The following FAIM2 variants were observed in gnomAD, a reference collection of about 807,000 sequenced individuals.
FAIM2 encodes the protein protein lifeguard 2.
A neutral mutation model predicts 47.4 loss-of-function variants in FAIM2; 27 were observed. That is an observed-to-expected ratio of 0.57 (90% CI 0.42 to 0.78). FAIM2 has a LOEUF of 0.78. Ranked by LOEUF, FAIM2 falls within the 30% of genes least tolerant of loss-of-function variation. FAIM2 has a pLI of 0.00. For synonymous variants in FAIM2, 156 were observed against 159.3 expected (o/e 0.98, Z 0.16); for missense variants, 311 against 389.4 (o/e 0.80, Z 1.69).
In FAIM2 at chr12:49,879,415, TGA is replaced by T. The variant is rs543482619; in HGVS notation, c.801+7969_801+7970del. 1.2e-3 allele frequency among the ~76,000 whole-genome samples: 178 copies of T among 151,186 alleles called. 2 individuals carry two copies. Among genetic ancestry groups the T allele is most frequent in the African/African-American group, 4.0e-3 (164 of 41,012 alleles). On this transcript the variant is annotated intron_variant, in intron 11 of 11. Coordinates refer to ENST00000320634, the MANE Select transcript of FAIM2 (RefSeq NM_012306.4). The stretch of plus-strand genomic sequence containing the variant: ...GTATGTGTCCATGTGAGTGTGCATG[TGA>T]GTGTATGTGTGTATGTGCATGTGTA...
rs960912166 is a variant in FAIM2, at chr12:49,895,185, C to A, written c.434+1846G>T. Reference sequence around the variant, plus strand: ...CCCTATGAAAAGCGCCCAGTCCACGCCCACCTCCCACTTCTGCCAGCACCC... The same window carrying A: ...CCCTATGAAAAGCGCCCAGTCCACGACCACCTCCCACTTCTGCCAGCACCC... On this transcript the variant is annotated intron_variant, in intron 5 of 11. Coordinates refer to ENST00000320634, the MANE Select transcript of FAIM2 (RefSeq NM_012306.4). Among the ~76,000 whole-genome samples, 9 of 152,242 alleles carry A rather than the reference C, an allele frequency of 5.9e-5. No individual in the cohort carries two copies. The East Asian group carries it at 1.5e-3, about 26-fold the overall frequency.
At chr12:49,887,356 G>A (rs1364631676) in intron 11 of FAIM2, 30 bp downstream of exon 11, 1 of 1,596,540 alleles carries the variant, frequency 6.3e-7, no homozygotes, top group South Asian at 1.1e-5. Flanking sequence ...TGCTGGGAAG[G>A]AGGCTGCCAA....
In FAIM2 at chr12:49,870,672, G is replaced by C. The variant is rs1309706433; in HGVS notation, c.802-19C>G. 2 of 1,613,266 alleles carry C rather than the reference G, an allele frequency of 1.2e-6. No individual in the cohort carries two copies. The highest frequency in any genetic ancestry group is 1.1e-5 in the South Asian group (1 of 90,956). On this transcript the variant is annotated intron_variant, in intron 11 of 11. Transcript: ENST00000320634. Reference sequence around the variant, plus strand: ...CCAGGAACTGGGAGAAGTGAGGAGAGAGAGAGAGAGGTCAGAGGCCCAGGC... The same window carrying C: ...CCAGGAACTGGGAGAAGTGAGGAGACAGAGAGAGAGGTCAGAGGCCCAGGC...
At chr12:49,887,531 A>G (rs927631291) in intron 10 of FAIM2, 92 bp from the exon 11 acceptor site, 9 of 1,131,430 alleles carry the variant, frequency 8.0e-6, no homozygotes, top group Non-Finnish European at 1.0e-5. Context: ...AATGGAGGAC[A>G]CGGGGTAGCC....
chr12:49,875,951 G>C (rs1020366198), intron 11 of FAIM2, among the ~76,000 whole-genome samples: 3 of 152,146 alleles, frequency 2.0e-5, no homozygotes, highest in Non-Finnish European at 4.4e-5. Flanking sequence ...ACTCCAGCCT[G>C]GGCGACAGAG....
intron 11 of FAIM2, among the ~76,000 whole-genome samples, chr12:49,871,010 G>A (rs1465407695): frequency 6.6e-6 from 1 of 152,212 alleles, no homozygotes; most frequent in Non-Finnish European, 1.5e-5. Flanking sequence ...AGTGTGGCAG[G>A]AAGTTAGGGA....
At chr12:49,872,994 T>G (rs1055555688) in intron 11 of FAIM2, among the ~76,000 whole-genome samples, 2 of 152,204 alleles carry the variant, frequency 1.3e-5, no homozygotes, top group Non-Finnish European at 2.9e-5. Context: ...GACATGCACG[T>G]GCTACTGATG....
chr12:49,875,900 C>T (rs1251281083), intron 11 of FAIM2, among the ~76,000 whole-genome samples: 4 of 152,046 alleles, frequency 2.6e-5, no homozygotes, highest in African/African-American at 9.7e-5. Flanking sequence ...CGCTTGAACC[C>T]GGGAAGCGGA....
intron 11 of FAIM2, among the ~76,000 whole-genome samples, chr12:49,883,002 T>C (rs564633910): frequency 5.9e-5 from 9 of 152,206 alleles, no homozygotes; most frequent in Admixed American, 4.6e-4. Flanking sequence ...GGGACAGAGC[T>C]GCACACACTT....
chr12:49,878,464 GTA>G lies in FAIM2; in HGVS notation c.802-7813_802-7812del, dbSNP rs1342927828. On this transcript the variant is annotated intron_variant, in intron 11 of 11. Coordinates refer to ENST00000320634, the MANE Select transcript of FAIM2 (RefSeq NM_012306.4). ...TGTGTCTGAGTGAATGTGTATGCATGTATGTGTGTGTGCATGTGTGTATATGT... is the reference window on the plus strand; with the variant it reads ...TGTGTCTGAGTGAATGTGTATGCATGTGTGTGTGTGCATGTGTGTATATGT... 2.9e-3 allele frequency among the ~76,000 whole-genome samples: 290 copies of G among 101,282 alleles called. 44 individuals carry two copies. Among genetic ancestry groups the G allele is most frequent in the Non-Finnish European group, 4.6e-3 (212 of 46,390 alleles). 66.4% of individuals were successfully genotyped at this position (101,282 alleles called of 152,430 possible).
chr12:49,898,868 G>A (rs1319670668), intron 2 of FAIM2, among the ~76,000 whole-genome samples: 1 of 152,124 alleles, frequency 6.6e-6, no homozygotes, highest in Non-Finnish European at 1.5e-5. Context: ...CTGGGAGCTG[G>A]GGACTGGTTG....
chr12:49,899,308 TA>T (rs1946964627), intron 2 of FAIM2, among the ~76,000 whole-genome samples: 1 of 152,272 alleles, frequency 6.6e-6, no homozygotes, highest in South Asian at 2.1e-4. Flanking sequence ...CTGTCCCCAC[TA>T]GGTTTCCATG....
At chr12:49,884,235 A>AC (rs58004184) in intron 11 of FAIM2, among the ~76,000 whole-genome samples, 112,235 of 150,222 alleles carry the variant, frequency 0.75, 42,245 homozygotes, top group African/African-American at 0.8. Flanking sequence ...GAAAAAAAAA[A>AC]AAACAAAAAA....
At chr12:49,884,257 AGAGAATGGGAG>A (rs1288070464) in intron 11 of FAIM2, among the ~76,000 whole-genome samples, 3 of 151,152 alleles carry the variant, frequency 2.0e-5, no homozygotes, top group African/African-American at 7.3e-5. Context: ...AGAGAGAGAG[AGAGAATGGGAG>A]GGAAAGGAAT....
chr12:49,871,649 T>TTTTTC (rs777209850), intron 11 of FAIM2, among the ~76,000 whole-genome samples: 5 of 150,360 alleles, frequency 3.3e-5, no homozygotes, highest in South Asian at 2.1e-4. Context: ...ATTGGAATTT[T>TTTTTC]TTTTCTTTTC....
chr12:49,884,303 G>C (rs1946846223), intron 11 of FAIM2, among the ~76,000 whole-genome samples: 1 of 152,062 alleles, frequency 6.6e-6, no homozygotes, highest in South Asian at 2.1e-4. Flanking sequence ...GGAAGAAGGA[G>C]AGAGGGAGGA....
chr12:49,892,257 C>A (rs1054234347), intron 5 of FAIM2, among the ~76,000 whole-genome samples: 1 of 152,106 alleles, frequency 6.6e-6, no homozygotes, highest in East Asian at 1.9e-4. Flanking sequence ...CCTCCCACCC[C>A]CTTAATTGCC....
At chr12:49,899,352 T>C (rs1295851582) in intron 2 of FAIM2, among the ~76,000 whole-genome samples, 2 of 152,140 alleles carry the variant, frequency 1.3e-5, no homozygotes, top group Non-Finnish European at 2.9e-5. Context: ...GCCTCTGTCT[T>C]GGTCTTTCAA....
At chr12:49,880,494 A>ATGTGTATATG (rs1555158554) in intron 11 of FAIM2, among the ~76,000 whole-genome samples, 5 of 138,938 alleles carry the variant, frequency 3.6e-5, no homozygotes, top group South Asian at 2.4e-4. Context: ...ATGCATGTGT[A>ATGTGTATATG]TGTGTGTGTA....
Sources: gnomAD v4.1 joint callset for allele counts (sites outside exome capture counted in the v4.1 genomes callset) on GRCh38, gnomAD v4.1.1 for gene constraint, MANE v1.5 for transcripts, NCBI Gene and HGNC (gene_info 2026-07-23, HGNC 2026-07-21) for gene names.